Variants in PARD3B observed in about 807,000 individuals in gnomAD.
The protein encoded by PARD3B is par-3 family cell polarity regulator beta.
A neutral mutation model predicts 130.2 loss-of-function variants in PARD3B; 103 were observed. That is an observed-to-expected ratio of 0.79 (90% CI 0.67 to 0.93). PARD3B has a LOEUF of 0.93. Ranked by LOEUF, PARD3B falls within the 40% of genes least tolerant of loss-of-function variation. The pLI is 0.00. For missense variants in PARD3B, 1,609 were observed against 1,499.2 expected (o/e 1.07, Z -1.21); for synonymous variants, 583 against 553.2 (o/e 1.05, Z -0.76).
chr2:205,333,080 A>T (rs1376709076), intron 18 of PARD3B, among the ~76,000 whole-genome samples: 2 of 152,240 alleles, frequency 1.3e-5, no homozygotes, highest in Non-Finnish European at 2.9e-5. Context: ...AAAACAGAAC[A>T]GTTTTACTTA....
At chr2:205,045,334 C>T (rs533966162) in intron 3 of PARD3B, among the ~76,000 whole-genome samples, 30 of 151,532 alleles carry the variant, frequency 2.0e-4, no homozygotes, top group Admixed American at 8.5e-4. Flanking sequence ...CTGCAACCTC[C>T]GCCTCCCGGG....
At chr2:205,081,925 A>G (rs1701435419) in intron 4 of PARD3B, among the ~76,000 whole-genome samples, 1 of 151,934 alleles carries the variant, frequency 6.6e-6, no homozygotes, top group Admixed American at 6.6e-5. Context: ...TCTCTTCTTT[A>G]TTATTTCTGA....
chr2:204,549,152 A>G (rs534708134), intron 1 of PARD3B, among the ~76,000 whole-genome samples: 1 of 152,256 alleles, frequency 6.6e-6, no homozygotes, highest in East Asian at 1.9e-4. Flanking sequence ...GATCCTGAAG[A>G]TACAGGGGGA....
intron 1 of PARD3B, among the ~76,000 whole-genome samples, chr2:204,615,220 G>A (rs1213614162): frequency 6.6e-6 from 1 of 152,122 alleles, no homozygotes; most frequent in African/African-American, 2.4e-5. Flanking sequence ...AATTCTGGAT[G>A]TTCTCCTTTG....
rs1202370019 is a variant in PARD3B, at chr2:205,309,163, T to C, written c.2630+7462T>C. Among the ~76,000 whole-genome samples, 1 of 152,234 alleles carries C rather than the reference T, an allele frequency of 6.6e-6. No homozygotes were observed. The highest frequency in any genetic ancestry group is 2.4e-5 in the African/African-American group (1 of 41,458). ...AAAACTAACCCAAACTGTGTCTGTT[T>C]TAGTACACAAAACCCTAGGATACCT... On this transcript the variant is annotated intron_variant, in intron 18 of 22. Transcript: ENST00000406610. The surrounding 1 kb of genome is among the most constrained non-coding windows in gnomAD (Gnocchi z 4.7).
At position 205,141,790 on chromosome 2, in the gene PARD3B, T is replaced by A. The variant is rs849109; in HGVS notation, c.1434+16053T>A. Among the ~76,000 whole-genome samples the A allele has an allele frequency of 7.7e-3, 1,172 of 152,338 alleles. 21 individuals carry two copies. Among genetic ancestry groups the A allele is most frequent in the African/African-American group, 0.027 (1,107 of 41,572 alleles). ...ATGGTGATGGTGGTTATAGTGAATC[T>A]TGTTTTTACCAAATACACTACCAGT... On this transcript the variant is annotated intron_variant, in intron 10 of 22. Transcript: ENST00000406610.
At chr2:204,807,431 A>G (rs1042884984) in intron 2 of PARD3B, among the ~76,000 whole-genome samples, 17 of 152,156 alleles carry the variant, frequency 1.1e-4, no homozygotes, top group Non-Finnish European at 2.2e-4. Flanking sequence ...GGAGAACACT[A>G]GGAGGTTCCT....
At chr2:204,611,937 T>A (rs2033944633) in intron 1 of PARD3B, among the ~76,000 whole-genome samples, 2 of 152,182 alleles carry the variant, frequency 1.3e-5, no homozygotes, top group Non-Finnish European at 2.9e-5. Context: ...CAAAGCCTAT[T>A]GACTTTTAAA....
Position 205,591,594 on chromosome 2 carries a change from G to A in PARD3B, c.3261-23862G>A, listed in dbSNP as rs954171665. Among the ~76,000 whole-genome samples the A allele has an allele frequency of 2.0e-5, 3 of 152,130 alleles. No individual in the cohort carries two copies. The highest frequency in any genetic ancestry group is 4.4e-5 in the Non-Finnish European group (3 of 68,014). ...AGACTGTCTTACAGAGGAAACATTC[G>A]TTCATTGGAAACCCAGAACTGTTGT... On this transcript the variant is annotated intron_variant, in intron 22 of 22. Transcript: ENST00000406610. This position sits in a 1 kb window ranked among gnomAD's most constrained non-coding sequence, Gnocchi z 4.2.
intron 2 of PARD3B, among the ~76,000 whole-genome samples, chr2:204,955,849 C>T (rs771756817): frequency 5.3e-5 from 8 of 152,180 alleles, no homozygotes; most frequent in African/African-American, 1.4e-4. Flanking sequence ...CAAGGACCCT[C>T]GTGCTATGTG....
At chr2:205,514,274 G>A (rs2050702335) in intron 21 of PARD3B, among the ~76,000 whole-genome samples, 1 of 152,076 alleles carries the variant, frequency 6.6e-6, no homozygotes. Flanking sequence ...ATAGCAGGTA[G>A]TCAAGGTGGG....
intron 1 of PARD3B, among the ~76,000 whole-genome samples, chr2:204,593,683 G>T (rs1196167265): frequency 6.6e-6 from 1 of 152,162 alleles, no homozygotes; most frequent in Non-Finnish European, 1.5e-5. Flanking sequence ...AATCTCATTT[G>T]CCAGAAAACT....
At chr2:205,184,238 T>C (rs1216212887) in intron 13 of PARD3B, among the ~76,000 whole-genome samples, 1 of 152,052 alleles carries the variant, frequency 6.6e-6, no homozygotes, top group Non-Finnish European at 1.5e-5. Context: ...AACCATCATA[T>C]CCAGCACGTG....
At chr2:204,708,923 A>G (rs1191562127) in intron 2 of PARD3B, among the ~76,000 whole-genome samples, 1 of 152,204 alleles carries the variant, frequency 6.6e-6, no homozygotes, top group African/African-American at 2.4e-5. Context: ...GGAATGCTAA[A>G]AGATATTGTT....
intron 15 of PARD3B, among the ~76,000 whole-genome samples, chr2:205,245,316 T>C (rs929391150): frequency 6.6e-6 from 1 of 152,246 alleles, no homozygotes; most frequent in African/African-American, 2.4e-5. Context: ...TAAAATTGTT[T>C]CAAGGGGAAT....
chr2:205,545,390 A>G (rs749783065), intron 21 of PARD3B, among the ~76,000 whole-genome samples: 34 of 152,232 alleles, frequency 2.2e-4, no homozygotes, highest in Non-Finnish European at 4.7e-4. Context: ...CAATGGAATT[A>G]GAAGAAAGCT....
chr2:205,384,955 T>C (rs1399730492), intron 18 of PARD3B, among the ~76,000 whole-genome samples: 1 of 152,050 alleles, frequency 6.6e-6, no homozygotes, highest in Non-Finnish European at 1.5e-5. Context: ...AGACTATAAA[T>C]TCCTTAAGAG....
At chr2:204,987,483 T>A (rs1693266811) in intron 3 of PARD3B, among the ~76,000 whole-genome samples, 2 of 152,200 alleles carry the variant, frequency 1.3e-5, no homozygotes, top group South Asian at 4.1e-4. Flanking sequence ...TGATACATAC[T>A]TATTTGTGTA....
At chr2:204,796,760 C>T (rs774915467) in intron 2 of PARD3B, among the ~76,000 whole-genome samples, 4 of 152,174 alleles carry the variant, frequency 2.6e-5, no homozygotes, top group Admixed American at 1.3e-4. Context: ...AGCATACTTA[C>T]GTCGTTGGTT....
Sources: allele counts gnomAD v4.1 joint callset (sites outside exome capture counted in the v4.1 genomes callset), GRCh38; gene constraint gnomAD v4.1.1; non-coding constraint Gnocchi (gnomAD v3.1); transcripts MANE v1.5; gene names NCBI Gene and HGNC (gene_info 2026-07-23, HGNC 2026-07-21).